NRXN3: variants seen among roughly 807,000 people sequenced by gnomAD.
The protein encoded by NRXN3 is neurexin III.
A neutral mutation model predicts 137.6 loss-of-function variants in NRXN3; 32 were observed. The observed-to-expected ratio is 0.23, with a 90% CI of 0.18 to 0.31. NRXN3 has a LOEUF of 0.31. NRXN3 is among the 10% of genes least tolerant of loss of function. The pLI, the probability that NRXN3 is intolerant of heterozygous loss-of-function variation, is 1.00. For synonymous variants in NRXN3, 798 were observed against 784.5 expected (o/e 1.02, Z -0.29); for missense variants, 1,574 against 2,062.5 (o/e 0.76, Z 4.59).
At chr14:78,825,179 AGAGC>A (rs1405028824) in intron 10 of NRXN3, among the ~76,000 whole-genome samples, 1 of 142,240 alleles carries the variant, frequency 7.0e-6, no homozygotes, top group Non-Finnish European at 1.5e-5. Context: ...CCTGCGTGAC[AGAGC>A]GAGACTCTGC....
intron 4 of NRXN3, among the ~76,000 whole-genome samples, chr14:78,444,341 G>C (rs1342024371): frequency 6.6e-6 from 1 of 152,176 alleles, no homozygotes. Context: ...GCCCCAGGGT[G>C]CCCAGCTCCT....
intron 19 of NRXN3, among the ~76,000 whole-genome samples, chr14:79,794,776 T>G (rs2099156122): frequency 6.6e-6 from 1 of 152,196 alleles, no homozygotes; most frequent in South Asian, 2.1e-4. Flanking sequence ...ATAAAGCTGT[T>G]TGATTCAGAT....
At chr14:78,301,611 A>C (rs1341220909) in intron 4 of NRXN3, among the ~76,000 whole-genome samples, 1 of 152,186 alleles carries the variant, frequency 6.6e-6, no homozygotes, top group Admixed American at 6.5e-5. Context: ...CTAATTCTCC[A>C]GCCCCTATCT....
chr14:78,208,218 C>G (rs189456087), intron 1 of NRXN3, among the ~76,000 whole-genome samples: 1 of 152,144 alleles, frequency 6.6e-6, no homozygotes, highest in Admixed American at 6.5e-5. Context: ...GCATTTACTA[C>G]GTGCTTTGTT....
At chr14:78,377,230 G>A (rs1019964344) in intron 4 of NRXN3, among the ~76,000 whole-genome samples, 2 of 152,290 alleles carry the variant, frequency 1.3e-5, no homozygotes, top group South Asian at 2.1e-4. Context: ...TATATATTAT[G>A]CCAACATTAA....
At chr14:78,491,255 G>A (rs578147807) in intron 4 of NRXN3, among the ~76,000 whole-genome samples, 186 of 152,178 alleles carry the variant, frequency 1.2e-3, no homozygotes, top group Non-Finnish European at 2.0e-3. Flanking sequence ...CCTGCATTGT[G>A]CCCTTCATTT....
intron 4 of NRXN3, among the ~76,000 whole-genome samples, chr14:78,315,226 A>C (rs1441855481): frequency 1.3e-5 from 2 of 151,738 alleles, no homozygotes; most frequent in African/African-American, 4.8e-5. Context: ...CTCTTGACCT[A>C]AGTTGATCCG....
intron 3 of NRXN3, among the ~76,000 whole-genome samples, chr14:78,279,254 C>T (rs1596693198): frequency 1.3e-5 from 2 of 152,106 alleles, no homozygotes; most frequent in South Asian, 2.1e-4. Flanking sequence ...TAAAGAACCA[C>T]GTTTATAATA....
At chr14:78,739,701 A>G (rs534025684) in intron 8 of NRXN3, among the ~76,000 whole-genome samples, 6 of 152,106 alleles carry the variant, frequency 3.9e-5, no homozygotes, top group African/African-American at 1.2e-4. Flanking sequence ...CGAACCCCTG[A>G]CCTCAGGTGA....
At chr14:79,279,533 G>T in intron 15 of NRXN3, 1 of 986,276 alleles carries the variant, frequency 1.0e-6, no homozygotes. Context: ...GGTTTGGGTG[G>T]CTGCTCCGCA....
chr14:79,103,915 A>G (rs1288491300), intron 15 of NRXN3, among the ~76,000 whole-genome samples: 1 of 152,164 alleles, frequency 6.6e-6, no homozygotes, highest in Non-Finnish European at 1.5e-5. Context: ...GCAAATCTGC[A>G]CACATACATG....
chr14:79,768,561 T>A (rs1307252042), intron 19 of NRXN3, among the ~76,000 whole-genome samples: 1 of 152,076 alleles, frequency 6.6e-6, no homozygotes, highest in African/African-American at 2.4e-5. Flanking sequence ...CCGCTGAGGG[T>A]CCTGTCTGTT....
At chr14:78,333,475 C>T (rs1435034494) in intron 4 of NRXN3, among the ~76,000 whole-genome samples, 1 of 151,932 alleles carries the variant, frequency 6.6e-6, no homozygotes, top group Non-Finnish European at 1.5e-5. Flanking sequence ...GAAGTACACA[C>T]ATAAAGAAAA....
intron 15 of NRXN3, among the ~76,000 whole-genome samples, chr14:79,242,745 G>T (rs1000571410): frequency 1.3e-5 from 2 of 152,162 alleles, no homozygotes; most frequent in Admixed American, 1.3e-4. Context: ...AGCTCCATCA[G>T]TCAGATTCTG....
intron 15 of NRXN3, among the ~76,000 whole-genome samples, chr14:79,248,338 C>G (rs1343905687): frequency 1.3e-5 from 2 of 152,188 alleles, no homozygotes; most frequent in Non-Finnish European, 2.9e-5. Context: ...AAAGAATGCA[C>G]TGTGGCTCCA....
chr14:78,966,374 C>A lies in NRXN3; in HGVS notation c.2745C>A (p.Gly915=). 2 of 1,613,944 alleles carry A rather than the reference C, an allele frequency of 1.2e-6. No homozygotes were observed. Among genetic ancestry groups the A allele is most frequent in the South Asian group, 2.2e-5 (2 of 91,066 alleles). ...DGFILFNSGD[G]NDFIAVELVK... is the part of the protein sequence containing the mutation. ...TCATTCTCTTCAATAGTGGTGATGG[C>A]AATGACTTCATTGCAGTCGAGCTTG... The change falls in exon 12 of 21, where the codon GGC becomes GGA. Residue 915 remains glycine (G), a synonymous_variant. Coordinates refer to ENST00000335750, the MANE Select transcript of NRXN3 (RefSeq NM_001330195.2).
At chr14:78,941,756 T>C (rs544277819) in intron 10 of NRXN3, among the ~76,000 whole-genome samples, 26 of 152,342 alleles carry the variant, frequency 1.7e-4, no homozygotes, top group South Asian at 4.1e-4. Context: ...GGATTAAATA[T>C]TAAGCTCCAG....
intron 8 of NRXN3, among the ~76,000 whole-genome samples, chr14:78,795,838 A>G (rs918039468): frequency 1.2e-4 from 19 of 152,362 alleles, no homozygotes; most frequent in Non-Finnish European, 2.1e-4. Flanking sequence ...AATTGTCATA[A>G]GGACACACAG....
At chr14:78,379,779 A>C (rs540836303) in intron 4 of NRXN3, among the ~76,000 whole-genome samples, 2 of 152,360 alleles carry the variant, frequency 1.3e-5, no homozygotes, top group Admixed American at 1.3e-4. Context: ...AAAGGAATAA[A>C]AGGCATATAA....
Sources: allele counts gnomAD v4.1 joint callset (sites outside exome capture counted in the v4.1 genomes callset), GRCh38; gene constraint gnomAD v4.1.1; transcripts MANE v1.5; gene names NCBI Gene and HGNC (gene_info 2026-07-23, HGNC 2026-07-21).